CDC42BPA: variants seen among roughly 807,000 people sequenced by gnomAD.
CDC42BPA encodes serine/threonine-protein kinase MRCK alpha.
A neutral mutation model predicts 223.5 loss-of-function variants in CDC42BPA; 80 were observed. That is an observed-to-expected ratio of 0.36 (90% CI 0.30 to 0.43). The LOEUF is 0.43. Ranked by LOEUF, CDC42BPA falls within the 20% of genes least tolerant of loss-of-function variation. The pLI, the probability that CDC42BPA is intolerant of heterozygous loss-of-function variation, is 1.00. For missense variants in CDC42BPA, 1,743 were observed against 2,099.9 expected (o/e 0.83, Z 3.32); for synonymous variants, 694 against 718.6 (o/e 0.97, Z 0.55).
chr1:227,034,662 C>A lies in CDC42BPA; in HGVS notation c.3469G>T (p.Asp1157Tyr). 5 of 1,609,320 alleles carry A rather than the reference C, an allele frequency of 3.1e-6. No individual in the cohort carries two copies. Among genetic ancestry groups the A allele is most frequent in the Non-Finnish European group, 4.2e-6 (5 of 1,177,902 alleles). ...TTACCTTCAAACTCTTACCTCATGTCAATCACTTGACTAATGACAACACTG... is the reference window on the plus strand; with the variant it reads ...TTACCTTCAAACTCTTACCTCATGTAAATCACTTGACTAATGACAACACTG... ...QPSVVISQVI[D>Y]MRDEEFSVSS... Residue 1157 changes from aspartate (D) to tyrosine (Y), a missense_variant, in exon 26 of 37, where the codon GAC becomes TAC. Coordinates refer to ENST00000366766, the MANE Select transcript of CDC42BPA (RefSeq NM_001394014.1).
Position 227,317,299 on chromosome 1 carries a change from C to CCACT in CDC42BPA, c.-118_-117insAGTG, listed in dbSNP as rs2148867276. 2 of 1,087,470 alleles carry CCACT rather than the reference C, an allele frequency of 1.8e-6. No individual in the cohort carries two copies. The highest frequency in any genetic ancestry group is 5.0e-5 in the East Asian group (2 of 40,196). 67.4% of individuals were successfully genotyped at this position (1,087,470 alleles called of 1,614,324 possible). ...AATAAACCACTTGTTATTCAAACAA[C>CCACT]TGTCATGCAATGCTGGTGCTGAATT... On this transcript the variant is annotated 5_prime_UTR_variant, in exon 1 of 37. It introduces an in-frame stop codon into an upstream open reading frame of the 5' UTR. Transcript: ENST00000366766.
chr1:227,272,406 A>G (rs1419124341), intron 1 of CDC42BPA, among the ~76,000 whole-genome samples: 5 of 152,208 alleles, frequency 3.3e-5, no homozygotes. Context: ...AATAAAAGAT[A>G]GTTTTATTAT....
intron 14 of CDC42BPA, among the ~76,000 whole-genome samples, chr1:227,110,866 A>T (rs1219140293): frequency 1.3e-5 from 2 of 152,230 alleles, no homozygotes; most frequent in African/African-American, 4.8e-5. Context: ...ACAGCAAAGG[A>T]ATTTGACTTG....
At chr1:227,165,177 C>T (rs2149854280) in intron 5 of CDC42BPA, among the ~76,000 whole-genome samples, 1 of 152,268 alleles carries the variant, frequency 6.6e-6, no homozygotes, top group African/African-American at 2.4e-5. Flanking sequence ...TTTATCTCTG[C>T]TCCCTCCAGA....
At position 227,084,547 on chromosome 1, in the gene CDC42BPA, T is replaced by A. The variant is rs113399726; in HGVS notation, c.2356-3530A>T. Among the ~76,000 whole-genome samples the A allele has an allele frequency of 3.1e-3, 383 of 123,344 alleles. 4 individuals carry two copies. The highest frequency in any genetic ancestry group is 0.011 in the African/African-American group (338 of 29,792). 80.9% of individuals were successfully genotyped at this position (123,344 alleles called of 152,430 possible). On this transcript the variant is annotated intron_variant, in intron 16 of 36. Transcript: ENST00000366766. ...CATCTCAAAAAAAAAAAAAAAAAATTTTTTTTTCATGAAAAAATATTTGCA... is the reference window on the plus strand; with the variant it reads ...CATCTCAAAAAAAAAAAAAAAAAATATTTTTTTCATGAAAAAATATTTGCA...
At chr1:227,030,356 ATTTT>A in intron 29 of CDC42BPA, 48 bp downstream of exon 29, 1 of 1,072,312 alleles carries the variant, frequency 9.3e-7, no homozygotes, top group South Asian at 1.4e-5. Context: ...TACAGTTTAA[ATTTT>A]TTTAACACGA....
chr1:227,168,463 T>C (rs1442889627), intron 5 of CDC42BPA, among the ~76,000 whole-genome samples: 1 of 151,330 alleles, frequency 6.6e-6, no homozygotes, highest in African/African-American at 2.4e-5. Flanking sequence ...TAATGAACCT[T>C]GACATGGCCT....
In CDC42BPA at chr1:227,033,343, A is replaced by G. The variant is rs1334303966; in HGVS notation, c.3549T>C (p.Cys1183=). 6.2e-7 allele frequency: 1 copy of G among 1,600,650 alleles called. No individual in the cohort carries two copies. The highest frequency in any genetic ancestry group is 8.6e-7 in the Non-Finnish European group (1 of 1,167,810). ...VIHASRKDIP[C]IFRVTASQLS... ...CAGCATACACACTTACCCTAAATATACAGGGTATATCTTTCCGACTTGCAT... is the reference window on the plus strand; with the variant it reads ...CAGCATACACACTTACCCTAAATATGCAGGGTATATCTTTCCGACTTGCAT... Residue 1183 remains cysteine, a synonymous_variant, in exon 27 of 37, where the codon TGT becomes TGC. Transcript: ENST00000366766.
At chr1:227,195,904 A>C (rs1670602028) in intron 4 of CDC42BPA, among the ~76,000 whole-genome samples, 1 of 152,194 alleles carries the variant, frequency 6.6e-6, no homozygotes, top group Non-Finnish European at 1.5e-5. Flanking sequence ...AATTGTTAAG[A>C]GAGGGACAAA....
At chr1:227,147,065 T>C (rs1660831565) in intron 7 of CDC42BPA, among the ~76,000 whole-genome samples, 2 of 152,180 alleles carry the variant, frequency 1.3e-5, no homozygotes, top group Admixed American at 6.5e-5. Context: ...CTAGTCATGA[T>C]TATACATATA....
intron 23 of CDC42BPA, among the ~76,000 whole-genome samples, chr1:227,043,411 C>CAA (rs66612393): frequency 1.7e-5 from 2 of 120,998 alleles, no homozygotes; most frequent in African/African-American, 3.1e-5. Flanking sequence ...GACTTCGTCT[C>CAA]AAAAAAAAAA....
chr1:226,994,309 G>C lies in CDC42BPA; in HGVS notation c.5224C>G (p.Leu1742Val). The change falls in exon 37 of 37, where the codon CTC (leucine) becomes GTC (valine). Residue 1742 changes from leucine to valine, a missense_variant. By Grantham distance (32) the Leu-to-Val change is conservative. This residue lies in a region of CDC42BPA where 200 missense variants were observed against 192.8 expected (regional missense o/e 1.04). Coordinates refer to ENST00000366766, the MANE Select transcript of CDC42BPA (RefSeq NM_001394014.1). The surrounding 1 kb of genome is among the most constrained non-coding windows in gnomAD (Gnocchi z 4.0). ...CCGCGGTCAGTGCTCTCCAGGGAGA[G>C]GCTCTTGGTTTTTCGGGGTGAAGCT... is the stretch of plus-strand genomic sequence containing the variant. ...SPASPRKTKS[L>V]SLESTDRGSW... 1 of 1,597,480 alleles carries C rather than the reference G, an allele frequency of 6.3e-7. No individual in the cohort carries two copies.
chr1:227,121,929 C>A lies in CDC42BPA; in HGVS notation c.1514-1992G>T, dbSNP rs140874596. ...AATTCTCCTGCCTCAGCCTCCCGAG[C>A]AGCTGGGATTACAGACACTCGCCAC... On this transcript the variant is annotated intron_variant, in intron 11 of 36. Coordinates refer to ENST00000366766, the MANE Select transcript of CDC42BPA (RefSeq NM_001394014.1). 2.7e-3 allele frequency among the ~76,000 whole-genome samples: 402 copies of A among 151,364 alleles called. 12 individuals carry two copies. The East Asian group carries it at 0.051, about 19-fold the overall frequency.
chr1:227,142,526 C>A (rs1166588746), intron 9 of CDC42BPA, among the ~76,000 whole-genome samples: 2 of 152,118 alleles, frequency 1.3e-5, no homozygotes, highest in East Asian at 3.8e-4. Flanking sequence ...TAGGCTCACT[C>A]TATTTTTTAA....
At chr1:227,268,687 C>G (rs2148444880) in intron 1 of CDC42BPA, among the ~76,000 whole-genome samples, 1 of 133,564 alleles carries the variant, frequency 7.5e-6, no homozygotes, top group African/African-American at 3.2e-5. Context: ...TATACACACA[C>G]ACACTTTTTT....
chr1:227,133,722 G>C (rs922676346), intron 10 of CDC42BPA, among the ~76,000 whole-genome samples: 1 of 152,018 alleles, frequency 6.6e-6, no homozygotes, highest in African/African-American at 2.4e-5. Flanking sequence ...AATGGATTAA[G>C]GGCGGTGCAA....
intron 11 of CDC42BPA, among the ~76,000 whole-genome samples, chr1:227,122,937 TAA>T (rs1688911810): frequency 1.3e-5 from 2 of 152,230 alleles, no homozygotes; most frequent in Admixed American, 6.5e-5. Flanking sequence ...GAGACTATTA[TAA>T]ATACCCAACA....
At chr1:227,306,537 G>A (rs183380874) in intron 1 of CDC42BPA, among the ~76,000 whole-genome samples, 22 of 152,246 alleles carry the variant, frequency 1.4e-4, no homozygotes, top group Non-Finnish European at 2.6e-4. Flanking sequence ...AACACATTAC[G>A]AACGCATGCA....
rs1335124618 is a variant in CDC42BPA, at chr1:227,280,825, A to G, written c.179-26670T>C. On this transcript the variant is annotated intron_variant, in intron 1 of 36. Transcript: ENST00000366766. ...GGATCGTCTGCAGTATGCAAGAAGG[A>G]TTGTTTTAGCTGAGACAGAGATCAG... Among the ~76,000 whole-genome samples the G allele has an allele frequency of 2.6e-5, 4 of 152,228 alleles. 1 individual carries two copies. The highest frequency in any genetic ancestry group is 5.9e-5 in the Non-Finnish European group (4 of 68,040).
Sources: gnomAD v4.1 joint callset for allele counts (sites outside exome capture counted in the v4.1 genomes callset) on GRCh38, gnomAD v4.1.1 for gene constraint, gnomAD v4.1.1 regional missense constraint, Gnocchi (gnomAD v3.1) non-coding constraint, MANE v1.5 for transcripts, NCBI Gene and HGNC (gene_info 2026-07-23, HGNC 2026-07-21) for gene names.